COPG2: variants seen among roughly 807,000 people sequenced by gnomAD.
COPG2 encodes the protein coat protein complex I subunit gamma 2, also known as coatomer subunit gamma-2.
COPG2 carries 37 observed loss-of-function variants against 46.3 expected under a neutral mutation model. That is an observed-to-expected ratio of 0.80 (90% CI 0.61 to 1.05). The LOEUF is 1.05. COPG2 is among the 50% of genes least tolerant of loss of function. The pLI, the probability that COPG2 is intolerant of heterozygous loss-of-function variation, is 0.00. For synonymous variants in COPG2, 159 were observed against 129.7 expected, an observed-to-expected ratio of 1.23 and a Z score of -1.53; for missense variants, 427 against 387.8, an observed-to-expected ratio of 1.10 and a Z score of -0.85.
rs782483366 is a variant in COPG2, at chr7:130,506,745, C to T, written c.2547G>A (p.Val849=). ...VRSRLALADG[V]TMQVTVRSKE... ...TACTTCTGACAGTCACCTGCATGGT[C>T]ACTCCATCGGCTAAGGCCAGCCTGG... The change falls in exon 24 of 24, where the codon GTG becomes GTA. Residue 849 remains valine (V), a synonymous_variant. Transcript: ENST00000425248. 9.0e-6 allele frequency: 7 copies of T among 780,480 alleles called. No individual in the cohort carries two copies. The highest frequency in any genetic ancestry group is 1.7e-5 in the African/African-American group (1 of 59,136). The allele number at this position is 780,480 out of a possible 1,614,324, so 48.3% of individuals were successfully genotyped here.
At chr7:130,569,985 G>A (rs1429420016) in intron 9 of COPG2, among the ~76,000 whole-genome samples, 2 of 152,132 alleles carry the variant, frequency 1.3e-5, no homozygotes, top group Admixed American at 6.5e-5. Context: ...TGCCAAAAAA[G>A]CATTTGACAA....
chr7:130,667,397 G>A lies in COPG2; in HGVS notation c.90+85C>T, dbSNP rs1333577986. 6 of 1,070,388 alleles carry A rather than the reference G, an allele frequency of 5.6e-6. No individual in the cohort carries two copies. In the South Asian group the frequency reaches 5.8e-5, roughly 10 times the overall value. The allele number at this position is 1,070,388 out of a possible 1,614,324, so 66.3% of individuals were successfully genotyped here. On this transcript the variant is annotated intron_variant, in intron 2 of 23. Coordinates refer to ENST00000425248, the MANE Select transcript of COPG2 (RefSeq NM_012133.6). ...TGTTACGTTTCTTGTTTTGCATGTC[G>A]TGATCACAGCAGCCCAGGGATTCTC...
chr7:130,616,948 C>T, intron 6 of COPG2, 42 bp downstream of exon 6: 8 of 1,313,412 alleles, frequency 6.1e-6, no homozygotes, highest in South Asian at 2.5e-5. Context: ...TGCAGATAAA[C>T]ATAGTGTTCC....
intron 9 of COPG2, among the ~76,000 whole-genome samples, chr7:130,570,816 G>C (rs1225063515): frequency 1.3e-5 from 2 of 152,172 alleles, no homozygotes; most frequent in Admixed American, 6.5e-5. Flanking sequence ...TAAGGCCACA[G>C]TCACCAAAAC....
chr7:130,606,311 A>G (rs1184047127), intron 9 of COPG2, among the ~76,000 whole-genome samples: 4 of 151,882 alleles, frequency 2.6e-5, no homozygotes, highest in African/African-American at 9.7e-5. Context: ...AAAAGAAAGA[A>G]AGAGAAAAGA....
chr7:130,605,345 A>G, intron 9 of COPG2: 1 of 491,380 alleles, frequency 2.0e-6, no homozygotes, highest in Admixed American at 2.2e-5. Flanking sequence ...AGAACTGATG[A>G]ATATGTTACG....
At chr7:130,636,162 A>C (rs1795332572) in intron 5 of COPG2, among the ~76,000 whole-genome samples, 1 of 152,308 alleles carries the variant, frequency 6.6e-6, no homozygotes, top group African/African-American at 2.4e-5. Flanking sequence ...TGTGGTGTGG[A>C]GAAGAATGTA....
intron 9 of COPG2, among the ~76,000 whole-genome samples, chr7:130,606,796 T>C (rs1383912771): frequency 2.6e-5 from 4 of 152,198 alleles, no homozygotes; most frequent in Admixed American, 1.3e-4. Flanking sequence ...AATTACATAA[T>C]CAATAAACAA....
intron 5 of COPG2, among the ~76,000 whole-genome samples, chr7:130,636,151 ATGT>A (rs1276651951): frequency 6.6e-6 from 1 of 152,126 alleles, no homozygotes; most frequent in African/African-American, 2.4e-5. Flanking sequence ...AATATGTCCA[ATGT>A]GGTGTGGAGA....
intron 4 of COPG2, among the ~76,000 whole-genome samples, chr7:130,653,368 C>T (rs782578516): frequency 6.6e-6 from 1 of 152,186 alleles, no homozygotes; most frequent in Non-Finnish European, 1.5e-5. Flanking sequence ...ATTCTCCTGC[C>T]GCAGCCTCCT....
intron 20 of COPG2, among the ~76,000 whole-genome samples, chr7:130,513,359 GTATA>G (rs1159332493): frequency 9.8e-4 from 36 of 36,652 alleles, no homozygotes; most frequent in African/African-American, 2.2e-3. Context: ...GTGTGTGTGT[GTATA>G]TATATATATA....
At chr7:130,559,203 A>G (rs973044976) in intron 12 of COPG2, among the ~76,000 whole-genome samples, 2,388 of 152,330 alleles carry the variant, frequency 0.016, 39 homozygotes, top group Admixed American at 0.032. Flanking sequence ...AGGAAACAAA[A>G]GACTAAAAAT....
intron 5 of COPG2, among the ~76,000 whole-genome samples, chr7:130,621,481 A>G (rs1306692246): frequency 1.3e-5 from 2 of 152,166 alleles, no homozygotes; most frequent in Non-Finnish European, 1.5e-5. Context: ...GTTATACACA[A>G]TACATTAAGA....
At chr7:130,654,709 CA>C (rs1795814526) in intron 4 of COPG2, among the ~76,000 whole-genome samples, 1 of 152,044 alleles carries the variant, frequency 6.6e-6, no homozygotes. Flanking sequence ...TGAATATAAA[CA>C]ATAAAAAAAC....
At position 130,638,913 on chromosome 7, in the gene COPG2, G is replaced by A. The variant is rs554935282; in HGVS notation, c.323+13956C>T. ...CAGGTTTGAAGACCATGGGAAAAGC[G>A]TAGTATCTGGGCTGAAGTGCACCAT... On this transcript the variant is annotated intron_variant, in intron 5 of 23. Transcript: ENST00000425248. 4.6e-5 allele frequency among the ~76,000 whole-genome samples: 7 copies of A among 152,328 alleles called. No homozygotes were observed. The East Asian group carries it at 9.6e-4, about 21-fold the overall frequency.
intron 22 of COPG2, 119 bp from the exon 23 acceptor site, chr7:130,507,491 G>A: frequency 1.4e-6 from 1 of 717,382 alleles, no homozygotes; most frequent in Non-Finnish European, 2.6e-6. Context: ...GGTTGTTGGT[G>A]ATGTGTAGAG....
At chr7:130,513,308 A>AAAAAATATATATAT (rs1236511164) in intron 20 of COPG2, among the ~76,000 whole-genome samples, 1 of 55,684 alleles carries the variant, frequency 1.8e-5, no homozygotes, top group Non-Finnish European at 2.9e-5. Context: ...AAAAAAAAAA[A>AAAAAATATATATAT]ATATATATAT....
intron 9 of COPG2, among the ~76,000 whole-genome samples, chr7:130,594,233 T>C (rs1294082342): frequency 6.6e-6 from 1 of 152,196 alleles, no homozygotes; most frequent in African/African-American, 2.4e-5. Flanking sequence ...CACAATTCTT[T>C]GACAAGCACA....
chr7:130,590,380 C>T (rs541550683), intron 9 of COPG2, among the ~76,000 whole-genome samples: 3 of 152,222 alleles, frequency 2.0e-5, no homozygotes, highest in South Asian at 2.1e-4. Flanking sequence ...CTCAGCCTGC[C>T]GAGTGCCTGC....
Sources: gnomAD v4.1 joint callset for allele counts (sites outside exome capture counted in the v4.1 genomes callset) on GRCh38, gnomAD v4.1.1 for gene constraint, MANE v1.5 for transcripts, NCBI Gene and HGNC (gene_info 2026-07-23, HGNC 2026-07-21) for gene names.